The following NEMP2 variants were observed in gnomAD, a reference collection of about 807,000 sequenced individuals.
NEMP2 encodes the protein UPF0571 transmembrane protein.
NEMP2 carries 53 observed loss-of-function variants against 54.2 expected under a neutral mutation model. The ratio of observed to expected loss-of-function variants is 0.98; its 90% CI spans 0.78 to 1.23. The LOEUF (loss-of-function observed/expected upper bound fraction) is 1.23, where lower values mean the gene tolerates loss of function less well. Ranked by LOEUF, NEMP2 falls within the 50% of genes most tolerant of loss-of-function variation. NEMP2 has a pLI of 0.00. For synonymous variants in NEMP2, 197 were observed against 190.3 expected, an observed-to-expected ratio of 1.04 and a Z score of -0.29; for missense variants, 455 against 511.3, an observed-to-expected ratio of 0.89 and a Z score of 1.06.
At chr2:190,625,456 G>A in the NEMP2 span, 7 of 152,110 alleles carry the variant, frequency 4.6e-5, no homozygotes, top group South Asian at 2.1e-4. Flanking sequence ...CTTCTTTTTC[G>A]GGTAATGAAA....
chr2:190,555,059 A>G, the NEMP2 span, among the ~76,000 whole-genome samples: 1 of 152,252 alleles, frequency 6.6e-6, no homozygotes, highest in Admixed American at 6.5e-5. This position sits in a 1 kb window ranked among gnomAD's most constrained non-coding sequence, Gnocchi z 4.8. Context: ...AAGCTCCAGC[A>G]GACCTGCAGC....
At chr2:190,587,756 T>C in the NEMP2 span, among the ~76,000 whole-genome samples, 3 of 152,158 alleles carry the variant, frequency 2.0e-5, no homozygotes, top group Admixed American at 1.3e-4. This position sits in a 1 kb window ranked among gnomAD's most constrained non-coding sequence, Gnocchi z 5.4. Flanking sequence ...AGAAGGTAAT[T>C]GTAGGAACTG....
At chr2:190,472,145 CAG>C in the NEMP2 span, among the ~76,000 whole-genome samples, 7 of 152,280 alleles carry the variant, frequency 4.6e-5, no homozygotes, top group East Asian at 1.9e-4. Context: ...GGGGAAAAAA[CAG>C]AGCAGAAAAA....
the NEMP2 span, chr2:190,436,864 T>C: frequency 1.9e-6 from 3 of 1,614,254 alleles, no homozygotes; most frequent in Non-Finnish European, 2.5e-6. This position sits in a 1 kb window ranked among gnomAD's most constrained non-coding sequence, Gnocchi z 5.3. Context: ...CATGCTTGTT[T>C]ATGATCAACA....
At chr2:190,474,551 C>G in the NEMP2 span, among the ~76,000 whole-genome samples, 1 of 152,078 alleles carries the variant, frequency 6.6e-6, no homozygotes, top group South Asian at 2.1e-4. Flanking sequence ...CAATAAAAGG[C>G]TCTGAAATTG....
At chr2:190,614,489 C>T in the NEMP2 span, among the ~76,000 whole-genome samples, 3 of 152,050 alleles carry the variant, frequency 2.0e-5, no homozygotes, top group East Asian at 5.8e-4. This position sits in a 1 kb window ranked among gnomAD's most constrained non-coding sequence, Gnocchi z 5.7. Context: ...TACAAACATG[C>T]ACACATACAC....
the NEMP2 span, among the ~76,000 whole-genome samples, chr2:190,572,672 T>C: frequency 6.6e-6 from 1 of 151,614 alleles, no homozygotes. Flanking sequence ...AGAGCTTTTT[T>C]CCCATGTTAC....
chr2:190,557,129 T>C, the NEMP2 span, among the ~76,000 whole-genome samples: 15 of 152,228 alleles, frequency 9.9e-5, no homozygotes. Context: ...AAAACAGATA[T>C]GTAGACCAAT....
chr2:190,541,999 T>A, the NEMP2 span, among the ~76,000 whole-genome samples: 967 of 152,312 alleles, frequency 6.3e-3, 19 homozygotes, highest in African/African-American at 0.022. The surrounding 1 kb of genome is among the most constrained non-coding windows in gnomAD (Gnocchi z 5.2). Context: ...TTCTTTTTGC[T>A]GCTTTTGGGA....
the NEMP2 span, among the ~76,000 whole-genome samples, chr2:190,574,216 C>G: frequency 5.9e-5 from 9 of 152,128 alleles, no homozygotes; most frequent in Non-Finnish European, 1.0e-4. Flanking sequence ...GCAAGATGAA[C>G]AGAAATAAAT....
chr2:190,464,614 G>A, the NEMP2 span, among the ~76,000 whole-genome samples: 1 of 152,146 alleles, frequency 6.6e-6, no homozygotes, highest in African/African-American at 2.4e-5. Context: ...TGCCTGTGAT[G>A]CTCTTTCTGC....
chr2:190,586,108 G>A, the NEMP2 span, among the ~76,000 whole-genome samples: 1 of 152,112 alleles, frequency 6.6e-6, no homozygotes, highest in African/African-American at 2.4e-5. This position sits in a 1 kb window ranked among gnomAD's most constrained non-coding sequence, Gnocchi z 4.5. Flanking sequence ...ATCAGAATTC[G>A]TTCTGTATTC....
chr2:190,475,632 C>T, the NEMP2 span, among the ~76,000 whole-genome samples: 7 of 152,166 alleles, frequency 4.6e-5, no homozygotes, highest in African/African-American at 1.7e-4. Flanking sequence ...AATGGCCATA[C>T]TGCCCAAGGT....
the NEMP2 span, among the ~76,000 whole-genome samples, chr2:190,622,686 A>G: frequency 1.3e-5 from 2 of 152,168 alleles, no homozygotes; most frequent in East Asian, 3.8e-4. Context: ...TTGTGCTTCA[A>G]TAAAGGGAAA....
chr2:190,512,489 G>A lies in NEMP2; in HGVS notation c.954-1952C>T, dbSNP rs1056121998. The stretch of plus-strand genomic sequence containing the variant: ...TGTGTTATTTAACCTATAAGTTCCT[G>A]TTTCATCCCCTAATTCTTTATATAA... On this transcript the variant is annotated intron_variant, in intron 7 of 8. Coordinates refer to ENST00000409150, the MANE Select transcript of NEMP2 (RefSeq NM_001142645.2). The surrounding 1 kb of genome is among the most constrained non-coding windows in gnomAD (Gnocchi z 4.5). 4.6e-5 allele frequency among the ~76,000 whole-genome samples: 7 copies of A among 152,160 alleles called. No homozygotes were observed. Among genetic ancestry groups the A allele is most frequent in the Non-Finnish European group, 1.0e-4 (7 of 68,010 alleles).
chr2:190,506,025 G>C lies in NEMP2; in HGVS notation c.*3164C>G, dbSNP rs1220320402. 6.6e-6 allele frequency: 1 copy of C among 152,218 alleles called. No homozygotes were observed. Among genetic ancestry groups the C allele is most frequent in the Admixed American group, 6.5e-5 (1 of 15,278 alleles). The allele number at this position is 152,218 out of a possible 1,614,324, so 9.4% of individuals were successfully genotyped here. A position where few individuals can be genotyped will look rare whatever the true frequency, so the allele number is the denominator to read the frequency against. ...CCCCTTGTAAATCTGTCTTCTGAGA[G>C]AGAATCTGCTGGTCATATCAAGTCA... On this transcript the variant is annotated 3_prime_UTR_variant, in exon 9 of 9. Coordinates refer to ENST00000409150, the MANE Select transcript of NEMP2 (RefSeq NM_001142645.2). This position sits in a 1 kb window ranked among gnomAD's most constrained non-coding sequence, Gnocchi z 6.3.
the NEMP2 span, among the ~76,000 whole-genome samples, chr2:190,595,943 T>C: frequency 6.6e-6 from 1 of 152,202 alleles, no homozygotes; most frequent in African/African-American, 2.4e-5. The surrounding 1 kb of genome is among the most constrained non-coding windows in gnomAD (Gnocchi z 4.0). Flanking sequence ...TAAAGACACA[T>C]GCACACATAT....
At chr2:190,465,298 T>C in the NEMP2 span, among the ~76,000 whole-genome samples, 22,282 of 152,226 alleles carry the variant, frequency 0.15, 1,842 homozygotes, top group Middle Eastern at 0.22. This position sits in a 1 kb window ranked among gnomAD's most constrained non-coding sequence, Gnocchi z 4.6. Flanking sequence ...CCACCTGTTC[T>C]AAAATTGCCT....
chr2:190,630,364 A>C, the NEMP2 span, among the ~76,000 whole-genome samples: 1 of 151,992 alleles, frequency 6.6e-6, no homozygotes, highest in South Asian at 2.1e-4. This position sits in a 1 kb window ranked among gnomAD's most constrained non-coding sequence, Gnocchi z 5.5. Flanking sequence ...ATTACAGGCC[A>C]GCACCACCAC....
Sources: allele counts gnomAD v4.1 joint callset (sites outside exome capture counted in the v4.1 genomes callset), GRCh38; gene constraint gnomAD v4.1.1; non-coding constraint Gnocchi (gnomAD v3.1); transcripts MANE v1.5; gene names NCBI Gene and HGNC (gene_info 2026-07-23, HGNC 2026-07-21).